Variants in KRT82 observed in about 807,000 individuals in gnomAD.
KRT82 encodes the protein keratin 82, also known as keratin, type II cuticular Hb2.
In KRT82, 44 loss-of-function variants were observed where a neutral mutation model predicts 48.0. That is an observed-to-expected ratio of 0.92 (90% CI 0.72 to 1.18). The LOEUF (loss-of-function observed/expected upper bound fraction) is 1.18. Ranked by LOEUF, KRT82 falls within the 50% of genes most tolerant of loss-of-function variation. KRT82 has a pLI of 0.00. For synonymous variants in KRT82, 297 were observed against 278.3 expected (o/e 1.07, Z -0.67); for missense variants, 701 against 671.4 (o/e 1.04, Z -0.49).
chr12:52,395,250 C>T, intron 8 of KRT82, 55 bp from the exon 9 acceptor site: 1 of 1,465,004 alleles, frequency 6.8e-7, no homozygotes, highest in Non-Finnish European at 9.4e-7. Context: ...TCTCAGTGTA[C>T]TGCCCTGAAA....
Position 52,395,024 on chromosome 12 carries a change from G to C in KRT82, c.1493C>G (p.Ser498Cys), listed in dbSNP as rs746749306. ...GLLSCGSGRK[S>C]SMTLGAGGSS... is the part of the protein sequence containing the mutation. Reference sequence around the variant, plus strand: ...GCCCCCAGCTCCTAGCGTCATGCTGGATTTCCGCCCGCTCCCACAGCTCAG... The same window carrying C: ...GCCCCCAGCTCCTAGCGTCATGCTGCATTTCCGCCCGCTCCCACAGCTCAG... Residue 498 changes from serine to cysteine, a missense_variant, in exon 9 of 9, where the codon TCC (serine) becomes TGC (cysteine). Physicochemically the swap from Ser to Cys is moderately radical, Grantham distance 112. Transcript: ENST00000257974. 17 of 1,613,804 alleles carry C rather than the reference G, an allele frequency of 1.1e-5. No homozygotes were observed. The African/African-American group carries it at 2.3e-4, about 22-fold the overall frequency.
At chr12:52,397,722 G>T (rs1485913465) in intron 5 of KRT82, among the ~76,000 whole-genome samples, 3 of 152,212 alleles carry the variant, frequency 2.0e-5, no homozygotes, top group Non-Finnish European at 2.9e-5. Flanking sequence ...GTCTGCAGTT[G>T]CCTAGTAAAT....
chr12:52,403,763 G>T lies in KRT82; in HGVS notation c.558C>A (p.Asp186Glu). ...LRRQLDCVSG[D>E]RVRLESELCS... ...AGAGCTCTGACTCTAGCCTCACGCG[G>T]TCCCCGGACACACAGTCCAGCTGCC... The change falls in exon 2 of 9, where the codon GAC (aspartate) becomes GAA (glutamate). Residue 186 changes from aspartate (D) to glutamate (E), a missense_variant. Coordinates refer to ENST00000257974, the MANE Select transcript of KRT82 (RefSeq NM_033033.4). 6.2e-7 allele frequency: 1 copy of T among 1,613,442 alleles called. No homozygotes were observed.
intron 8 of KRT82, 85 bp from the exon 9 acceptor site, chr12:52,395,280 C>T: frequency 9.1e-7 from 1 of 1,093,592 alleles, no homozygotes; most frequent in East Asian, 2.6e-5. Flanking sequence ...CAGGCCATTC[C>T]TCCCACCTCC....
chr12:52,405,093 G>A (rs947719650), intron 1 of KRT82, among the ~76,000 whole-genome samples: 1 of 152,192 alleles, frequency 6.6e-6, no homozygotes, highest in Admixed American at 6.5e-5. Flanking sequence ...AGAGGCTGTT[G>A]AGTCCTTCAG....
At chr12:52,396,315 G>T in intron 6 of KRT82, 83 bp from the exon 7 acceptor site, 12 of 1,294,738 alleles carry the variant, frequency 9.3e-6, no homozygotes, top group Non-Finnish European at 9.5e-6. Flanking sequence ...GAACACGGGG[G>T]TGGCTACGTG....
At position 52,394,627 on chromosome 12, in the gene KRT82, G is replaced by A; in HGVS notation, c.*348C>T. The A allele has an allele frequency of 3.6e-6, 1 of 276,916 alleles. No homozygotes were observed. Among genetic ancestry groups the A allele is most frequent in the Non-Finnish European group, 6.8e-6 (1 of 146,094 alleles). The allele number at this position is 276,916 out of a possible 1,614,324, so 17.2% of individuals were successfully genotyped here. A position where few individuals can be genotyped will look rare whatever the true frequency, so the allele number is the denominator to read the frequency against. ...GTGGGAGAGGAGCTGACTTTGTGAG[G>A]AAACTTCCATGGGATGATCCACAGA... On this transcript the variant is annotated 3_prime_UTR_variant, in exon 9 of 9. Transcript: ENST00000257974.
chr12:52,404,129 G>C (rs1939823802), intron 1 of KRT82, among the ~76,000 whole-genome samples: 1 of 152,208 alleles, frequency 6.6e-6, no homozygotes, highest in Non-Finnish European at 1.5e-5. Context: ...TTTCCACTCA[G>C]AGGTTGCGTG....
At chr12:52,398,427 C>T (rs1939742008) in intron 5 of KRT82, among the ~76,000 whole-genome samples, 1 of 151,592 alleles carries the variant, frequency 6.6e-6, no homozygotes, top group Admixed American at 6.6e-5. Flanking sequence ...TCATCCTGGG[C>T]AGTCTATTTT....
chr12:52,398,120 CT>C (rs2121472622), intron 5 of KRT82, among the ~76,000 whole-genome samples: 1 of 152,228 alleles, frequency 6.6e-6, no homozygotes, highest in East Asian at 1.9e-4. Context: ...TAGAACACTG[CT>C]TTTATTTAGG....
chr12:52,404,123 C>G (rs554385342), intron 1 of KRT82, among the ~76,000 whole-genome samples: 1 of 152,286 alleles, frequency 6.6e-6, no homozygotes, highest in East Asian at 1.9e-4. Context: ...CCCTACTTTC[C>G]ACTCAGAGGT....
chr12:52,401,570 TCTCCCGCGATGAGTC>T (rs1939791414), intron 2 of KRT82, among the ~76,000 whole-genome samples: 1 of 152,074 alleles, frequency 6.6e-6, no homozygotes. Flanking sequence ...TCAGGAACCT[TCTCCCGCGATGAGTC>T]CTCCCTGGGA....
chr12:52,395,921 C>T (rs908629733), intron 7 of KRT82, 91 bp downstream of exon 7: 19 of 1,555,596 alleles, frequency 1.2e-5, no homozygotes, highest in East Asian at 4.5e-5. Context: ...GGGTAGGGGA[C>T]GGGGTGAGAG....
chr12:52,396,738 G>T, intron 6 of KRT82, 145 bp downstream of exon 6: 2 of 868,532 alleles, frequency 2.3e-6, no homozygotes, highest in East Asian at 2.7e-5. Context: ...GGTAGAAAGG[G>T]CTTGCTTCTG....
In KRT82 at chr12:52,395,657, G is replaced by T. The variant is rs566836169; in HGVS notation, c.1321+102C>A. 30 of 806,968 alleles carry T rather than the reference G, an allele frequency of 3.7e-5. No homozygotes were observed. The African/African-American group carries it at 5.1e-4, about 14-fold the overall frequency. 50.0% of individuals were successfully genotyped at this position (806,968 alleles called of 1,614,324 possible). ...AGACAGAGCTCTTCCTTTGGGGTAGGGGAGGCATCAGAGGTCTAGGAAGGG... is the reference window on the plus strand; with the variant it reads ...AGACAGAGCTCTTCCTTTGGGGTAGTGGAGGCATCAGAGGTCTAGGAAGGG... On this transcript the variant is annotated intron_variant, in intron 8 of 8. Coordinates refer to ENST00000257974, the MANE Select transcript of KRT82 (RefSeq NM_033033.4).
chr12:52,399,897 C>T (rs1170857957), intron 5 of KRT82, 88 bp downstream of exon 5: 1 of 1,366,212 alleles, frequency 7.3e-7, no homozygotes, highest in East Asian at 2.3e-5. Flanking sequence ...GCTCCTCACC[C>T]ACTTCTGCGG....
chr12:52,398,895 T>G (rs182163821), intron 5 of KRT82, among the ~76,000 whole-genome samples: 89 of 152,242 alleles, frequency 5.8e-4, no homozygotes, highest in Middle Eastern at 3.4e-3. Context: ...CACATGGCAC[T>G]CCAGGCCCCT....
chr12:52,402,527 A>G (rs1230190781), intron 2 of KRT82: 1 of 152,164 alleles, frequency 6.6e-6, no homozygotes, highest in Admixed American at 6.5e-5. Flanking sequence ...CATTTCCAAA[A>G]TGGAGGATAA....
intron 4 of KRT82, 118 bp downstream of exon 4, chr12:52,400,409 A>G: frequency 1.2e-6 from 1 of 806,406 alleles, no homozygotes; most frequent in Non-Finnish European, 2.1e-6. Flanking sequence ...ACGTCTCTAC[A>G]GTGCGGACCT....
Sources: allele counts gnomAD v4.1 joint callset (sites outside exome capture counted in the v4.1 genomes callset), GRCh38; gene constraint gnomAD v4.1.1; transcripts MANE v1.5; gene names NCBI Gene and HGNC (gene_info 2026-07-23, HGNC 2026-07-21).